COG5: variants seen among roughly 807,000 people sequenced by gnomAD.
The protein encoded by COG5 is component of oligomeric golgi complex 5.
A neutral mutation model predicts 110.4 loss-of-function variants in COG5; 86 were observed. That is an observed-to-expected ratio of 0.78 (90% CI 0.65 to 0.93). The LOEUF is 0.93. Ranked by LOEUF, COG5 falls within the 40% of genes least tolerant of loss-of-function variation. COG5 has a pLI of 0.00. For missense variants in COG5, 1,077 were observed against 987.0 expected (o/e 1.09, Z -1.22); for synonymous variants, 360 against 334.6 (o/e 1.08, Z -0.83).
intron 7 of COG5, among the ~76,000 whole-genome samples, chr7:107,407,095 A>G (rs1376621011): frequency 2.6e-5 from 4 of 152,186 alleles, no homozygotes; most frequent in African/African-American, 9.7e-5. Flanking sequence ...CAAAAGAAAC[A>G]TTAGGGCCAG....
intron 12 of COG5, among the ~76,000 whole-genome samples, chr7:107,287,046 C>G (rs930398163): frequency 6.6e-6 from 1 of 152,136 alleles, no homozygotes; most frequent in Non-Finnish European, 1.5e-5. Flanking sequence ...ACAGACAGAA[C>G]AGGGTGGCCT....
At chr7:107,393,459 G>A (rs761914982) in intron 7 of COG5, among the ~76,000 whole-genome samples, 1 of 152,172 alleles carries the variant, frequency 6.6e-6, no homozygotes. Context: ...CTATTAAAAA[G>A]GCCTTTAGAC....
At chr7:107,402,954 T>C (rs1037504052) in intron 7 of COG5, among the ~76,000 whole-genome samples, 3 of 152,182 alleles carry the variant, frequency 2.0e-5, no homozygotes, top group African/African-American at 7.2e-5. Context: ...AAAGAAACAA[T>C]AGCTCCTCCA....
chr7:107,267,237 G>C (rs139657348), intron 14 of COG5, among the ~76,000 whole-genome samples: 51 of 152,238 alleles, frequency 3.4e-4, no homozygotes, highest in African/African-American at 1.2e-3. Context: ...ACCTTCTCTA[G>C]ATTACCCATG....
At position 107,202,659 on chromosome 7, in the gene COG5, C is replaced by CTGA. The variant is rs894642640; in HGVS notation, c.*854_*856dup. 9.9e-5 allele frequency: 15 copies of CTGA among 152,114 alleles called. No individual in the cohort carries two copies. The highest frequency in any genetic ancestry group is 2.7e-4 in the African/African-American group (11 of 41,470). 9.4% of individuals were successfully genotyped at this position (152,114 alleles called of 1,614,324 possible). A position where few individuals can be genotyped will look rare whatever the true frequency, so the allele number is the denominator to read the frequency against. On this transcript the variant is annotated 3_prime_UTR_variant, in exon 22 of 22. Transcript: ENST00000297135. ...CCTAACACTGCTAATTAGGAGGCTG[C>CTGA]TGATAGGATTTTAAAAATTAAAAAC...
intron 5 of COG5, 143 bp downstream of exon 5, chr7:107,547,968 A>T: frequency 1.4e-6 from 1 of 703,618 alleles, no homozygotes; most frequent in Non-Finnish European, 2.4e-6. Flanking sequence ...AGACATCTTA[A>T]GGCTTTTTAG....
intron 11 of COG5, among the ~76,000 whole-genome samples, chr7:107,313,954 AT>A (rs1808500796): frequency 6.6e-6 from 1 of 152,160 alleles, no homozygotes; most frequent in African/African-American, 2.4e-5. Context: ...CAGAATTGTC[AT>A]GGTACCATTA....
intron 6 of COG5, among the ~76,000 whole-genome samples, chr7:107,492,911 G>T (rs1362024250): frequency 6.6e-6 from 1 of 152,074 alleles, no homozygotes; most frequent in Admixed American, 6.6e-5. Flanking sequence ...GCACTGATTT[G>T]AAGTCAGAAA....
chr7:107,249,508 G>A (rs1422429004), intron 16 of COG5, among the ~76,000 whole-genome samples: 4 of 151,830 alleles, frequency 2.6e-5, no homozygotes, highest in Admixed American at 1.3e-4. Flanking sequence ...CTCAAAACAC[G>A]TAAAATCAAA....
At chr7:107,458,120 G>A (rs1361536503) in intron 6 of COG5, among the ~76,000 whole-genome samples, 2 of 152,176 alleles carry the variant, frequency 1.3e-5, no homozygotes, top group African/African-American at 2.4e-5. Context: ...GAAGAATAAA[G>A]TGTGTGTATA....
Position 107,527,261 on chromosome 7 carries a change from C to T in COG5, c.514G>A (p.Ala172Thr). Residue 172 changes from alanine to threonine, a missense_variant, in exon 6 of 22, where the codon GCT (alanine) becomes ACT (threonine). Physicochemically the swap from Ala to Thr is moderately conservative, Grantham distance 58. Transcript: ENST00000297135. Reference sequence around the variant, plus strand: ...CCAAGTTCATTGAGACTCTGAGCAGCTTTTGTTATCTCTCTACTTCCCCCT... The same window carrying T: ...CCAAGTTCATTGAGACTCTGAGCAGTTTTTGTTATCTCTCTACTTCCCCCT... ...LQGGSREITK[A>T]AQSLNELDYL... 6.2e-7 allele frequency: 1 copy of T among 1,601,488 alleles called. No homozygotes were observed. The highest frequency in any genetic ancestry group is 8.5e-7 in the Non-Finnish European group (1 of 1,172,742).
chr7:107,370,667 T>C (rs1022952262), intron 8 of COG5, among the ~76,000 whole-genome samples: 1 of 151,040 alleles, frequency 6.6e-6, no homozygotes, highest in African/African-American at 2.4e-5. Flanking sequence ...GCTTCTGTAA[T>C]CCCAGCTATT....
chr7:107,317,199 C>T (rs946580138), intron 11 of COG5, among the ~76,000 whole-genome samples: 31 of 152,018 alleles, frequency 2.0e-4, no homozygotes, highest in African/African-American at 7.0e-4. Flanking sequence ...CCTATGAGTG[C>T]CCCAGCTCAT....
chr7:107,496,386 C>T (rs148851679), intron 6 of COG5, among the ~76,000 whole-genome samples: 39 of 152,238 alleles, frequency 2.6e-4, no homozygotes, highest in African/African-American at 9.1e-4. Context: ...TGACTGGGCA[C>T]AGTGGTTCAT....
intron 6 of COG5, among the ~76,000 whole-genome samples, 168 bp downstream of exon 6, chr7:107,527,069 C>T (rs895451023): frequency 6.6e-6 from 1 of 152,132 alleles, no homozygotes; most frequent in Non-Finnish European, 1.5e-5. Context: ...AAATCAACTA[C>T]TTGTACTTAC....
At chr7:107,502,115 CACAAGTAGTGTACTTTGT>C (rs1798675071) in intron 6 of COG5, among the ~76,000 whole-genome samples, 1 of 152,046 alleles carries the variant, frequency 6.6e-6, no homozygotes, top group Admixed American at 6.6e-5. Context: ...ACACCTATCA[CACAAGTAGTGTACTTTGT>C]ACCTAATATG....
At chr7:107,229,617 GA>G (rs1027309702) in intron 19 of COG5, among the ~76,000 whole-genome samples, 1 of 151,868 alleles carries the variant, frequency 6.6e-6, no homozygotes, top group African/African-American at 2.4e-5. Context: ...AATCTGAGCT[GA>G]AAAAAATCTA....
rs527910736 is a variant in COG5 at position 107,206,531 on chromosome 7, A to C, written c.2376-2901T>G. Reference sequence around the variant, plus strand: ...ACTCCCCAAATGTAGTCCCTACAGAATCATATACAGTAAAGAAATCCCCAA... The same window carrying C: ...ACTCCCCAAATGTAGTCCCTACAGACTCATATACAGTAAAGAAATCCCCAA... On this transcript the variant is annotated intron_variant, in intron 21 of 21. Coordinates refer to ENST00000297135, the MANE Select transcript of COG5 (RefSeq NM_006348.5). Among the ~76,000 whole-genome samples, 3 of 152,388 alleles carry C rather than the reference A, an allele frequency of 2.0e-5. No homozygotes were observed. The East Asian group carries it at 5.8e-4, about 29-fold the overall frequency.
chr7:107,225,378 C>A (rs1319576850), intron 19 of COG5, among the ~76,000 whole-genome samples: 1 of 151,356 alleles, frequency 6.6e-6, no homozygotes, highest in Non-Finnish European at 1.5e-5. Context: ...ACTTTTCTGA[C>A]TATAAAAATA....
Sources: gnomAD v4.1 joint callset for allele counts (sites outside exome capture counted in the v4.1 genomes callset) on GRCh38, gnomAD v4.1.1 for gene constraint, MANE v1.5 for transcripts, NCBI Gene and HGNC (gene_info 2026-07-23, HGNC 2026-07-21) for gene names.